The following CNGA4 variants were observed in gnomAD, a reference collection of about 807,000 sequenced individuals.
CNGA4 encodes the protein cyclic nucleotide gated channel subunit alpha 4, also known as cyclic nucleotide-gated channel alpha-4.
Under a neutral mutation model 45.6 loss-of-function variants are expected in CNGA4, and 32 were observed. The ratio of observed to expected loss-of-function variants is 0.70; its 90% CI spans 0.53 to 0.94. The LOEUF (loss-of-function observed/expected upper bound fraction) is 0.94. Among genes scored for constraint, CNGA4 ranks in the 40% least tolerant of loss-of-function variants. The probability of loss-of-function intolerance (pLI) is 0.00; values close to 1 mark genes in which losing one functional copy is unlikely to be tolerated. For synonymous variants in CNGA4, 293 were observed against 304.6 expected (o/e 0.96, Z 0.40); for missense variants, 726 against 755.1 (o/e 0.96, Z 0.45).
intron 4 of CNGA4, among the ~76,000 whole-genome samples, chr11:6,241,139 T>G (rs1847912498): frequency 6.6e-6 from 1 of 151,800 alleles, no homozygotes; most frequent in Non-Finnish European, 1.5e-5. Context: ...GAGCAGAGGG[T>G]CCCCAGAGAG....
At position 6,244,188 on chromosome 11, in the gene CNGA4, C is replaced by T; in HGVS notation, c.1507C>T (p.Gln503Ter). The change falls in exon 6 of 6, where the codon CAG becomes TAG. Residue 503 changes from glutamine to a stop codon, truncating the protein, a stop_gained. Transcript: ENST00000379936. LOFTEE classifies it high-confidence loss of function. This position sits in a 1 kb window ranked among gnomAD's most constrained non-coding sequence, Gnocchi z 4.5. ...GTCCCGGCTACGAGGCCTAGACCAGCAGCTGGATGATCTACAGACCAAGTT... is the reference window on the plus strand; with the variant it reads ...GTCCCGGCTACGAGGCCTAGACCAGTAGCTGGATGATCTACAGACCAAGTT... The part of the protein sequence containing the change: ...TESRLRGLDQ[Q>*]LDDLQTKFAR... 1 of 1,614,236 alleles carries T rather than the reference C, an allele frequency of 6.2e-7. No homozygotes were observed. The highest frequency in any genetic ancestry group is 8.5e-7 in the Non-Finnish European group (1 of 1,180,046).
In CNGA4 at chr11:6,240,351, T is replaced by C. The variant is rs1159426118; in HGVS notation, c.557T>C (p.Leu186Pro). 1 of 1,614,230 alleles carries C rather than the reference T, an allele frequency of 6.2e-7. No individual in the cohort carries two copies. The highest frequency in any genetic ancestry group is 8.5e-7 in the Non-Finnish European group (1 of 1,180,046). ...GTCGTCATCCATTGGAACAGCTGCC[T>C]ATACTTTGCCCTATCCCGGTACCTG... ...IFVVIHWNSC[L>P]YFALSRYLGF... The change falls in exon 4 of 6, where the codon CTA (leucine) becomes CCA (proline). Residue 186 changes from leucine to proline, a missense_variant. Physicochemically the swap from Leu to Pro is moderately conservative, Grantham distance 98. Transcript: ENST00000379936. This position sits in a 1 kb window ranked among gnomAD's most constrained non-coding sequence, Gnocchi z 4.9.
intron 5 of CNGA4, among the ~76,000 whole-genome samples, chr11:6,242,649 G>C (rs1463687680): frequency 3.3e-5 from 5 of 152,162 alleles, no homozygotes; most frequent in African/African-American, 1.2e-4. Flanking sequence ...CTTTGGACAA[G>C]TCATTTCCCT....
upstream of CNGA4, among the ~76,000 whole-genome samples, chr11:6,236,519 G>T (rs1847841379): frequency 6.6e-6 from 1 of 152,066 alleles, no homozygotes; most frequent in Admixed American, 6.5e-5. Context: ...ATAAGAGGAA[G>T]AATTAAAAAC....
rs1213461151 is a variant in CNGA4, at chr11:6,239,795, G to A, written c.271+5G>A. The A allele has an allele frequency of 6.2e-7, 1 of 1,611,336 alleles. No individual in the cohort carries two copies. Among genetic ancestry groups the A allele is most frequent in the South Asian group, 1.1e-5 (1 of 90,732 alleles). The stretch of plus-strand genomic sequence containing the variant: ...TGGTGGTGCGCTTCCACACAGGTCA[G>A]TGGGCTTCTAGGAATGACCCTTTGT... On this transcript the variant is annotated splice_donor_5th_base_variant and intron_variant, in intron 3 of 5. Coordinates refer to ENST00000379936, the MANE Select transcript of CNGA4 (RefSeq NM_001037329.4).
In CNGA4 at chr11:6,244,130, G is replaced by C. The variant is rs1847956429; in HGVS notation, c.1449G>C (p.Glu483Asp). ...LKMNKLDVNA[E>D]AAEIALQEAT... ...TGAACAAGTTGGACGTGAATGCTGA[G>C]GCAGCTGAGATCGCCCTGCAGGAGG... The change falls in exon 6 of 6, where the codon GAG (glutamate) becomes GAC (aspartate). Residue 483 changes from glutamate to aspartate, a missense_variant. Transcript: ENST00000379936. The surrounding 1 kb of genome is among the most constrained non-coding windows in gnomAD (Gnocchi z 4.5). 6.2e-7 allele frequency: 1 copy of C among 1,614,082 alleles called. No homozygotes were observed. The highest frequency in any genetic ancestry group is 8.5e-7 in the Non-Finnish European group (1 of 1,180,036).
chr11:6,239,326 C>CA, intron 1 of CNGA4, 58 bp downstream of exon 1: 1 of 1,612,534 alleles, frequency 6.2e-7, no homozygotes, highest in South Asian at 1.1e-5. Flanking sequence ...GTGCCCCAGT[C>CA]ACAACTACAG....
At chr11:6,239,087 AC>A, upstream of CNGA4, 1 of 1,570,744 alleles carries the variant, frequency 6.4e-7, no homozygotes, top group Non-Finnish European at 8.6e-7. Flanking sequence ...CAAAGAAGTC[AC>A]AGCAGAAGCC....
chr11:6,239,646 G>T, intron 2 of CNGA4, 38 bp from the exon 3 acceptor site: 1 of 1,603,632 alleles, frequency 6.2e-7, no homozygotes, highest in Non-Finnish European at 8.5e-7. Context: ...CACACAGAGG[G>T]TGCCCTTAAT....
In CNGA4 at chr11:6,244,247, A is replaced by G. The variant is rs765697976; in HGVS notation, c.1566A>G (p.Ala522=). The stretch of plus-strand genomic sequence containing the variant: ...TCCTGGCTGAGCTGGAGTCCAGCGC[A>G]CTTAAGATTGCTTACCGCATTGAAC... ...ARLLAELESS[A]LKIAYRIERL... is the part of the protein sequence containing the mutation. The change falls in exon 6 of 6, where the codon GCA becomes GCG. Residue 522 remains alanine, a synonymous_variant. Transcript: ENST00000379936. This position sits in a 1 kb window ranked among gnomAD's most constrained non-coding sequence, Gnocchi z 4.5. 1 of 1,614,182 alleles carries G rather than the reference A, an allele frequency of 6.2e-7. No individual in the cohort carries two copies. Among genetic ancestry groups the G allele is most frequent in the South Asian group, 1.1e-5 (1 of 91,086 alleles).
Position 6,244,333 on chromosome 11 carries a change from A to T in CNGA4, c.1652A>T (p.Glu551Val). 6.2e-7 allele frequency: 1 copy of T among 1,614,106 alleles called. No individual in the cohort carries two copies. The highest frequency in any genetic ancestry group is 8.5e-7 in the Non-Finnish European group (1 of 1,180,024). ...GAGGACCTGGCTGAGGCTGATGACG[A>T]GGGTGAGCCTGAGGAGGGAACTTCC... ...MPEDLAEADD[E>V]GEPEEGTSKD... is the part of the protein sequence containing the mutation. Residue 551 changes from glutamate (E) to valine (V), a missense_variant, in exon 6 of 6, where the codon GAG becomes GTG. Glu to Val is a moderately radical substitution (Grantham distance 121). Transcript: ENST00000379936. This position sits in a 1 kb window ranked among gnomAD's most constrained non-coding sequence, Gnocchi z 4.5.
chr11:6,239,270 T>C lies in CNGA4; in HGVS notation c.62+2T>C. 1 of 1,614,050 alleles carries C rather than the reference T, an allele frequency of 6.2e-7. No homozygotes were observed. The highest frequency in any genetic ancestry group is 8.5e-7 in the Non-Finnish European group (1 of 1,179,918). On this transcript the variant is annotated splice_donor_variant, in intron 1 of 5. Coordinates refer to ENST00000379936, the MANE Select transcript of CNGA4 (RefSeq NM_001037329.4). LOFTEE classifies it high-confidence loss of function. ...TCCCCCAGCCCCATCCAAGGCCAGG[T>C]GAGAAGTCCTGGTCCCTTGTGTGGG... is the stretch of plus-strand genomic sequence containing the variant.
Position 6,240,264 on chromosome 11 carries a change from C to T in CNGA4, c.470C>T (p.Thr157Ile). 6.2e-7 allele frequency: 1 copy of T among 1,614,248 alleles called. No homozygotes were observed. The highest frequency in any genetic ancestry group is 8.5e-7 in the Non-Finnish European group (1 of 1,180,034). The change falls in exon 4 of 6, where the codon ACA (threonine) becomes ATA (isoleucine). Residue 157 changes from threonine to isoleucine, a missense_variant. Physicochemically the swap from Thr to Ile is moderately conservative, Grantham distance 89. Transcript: ENST00000379936. This position sits in a 1 kb window ranked among gnomAD's most constrained non-coding sequence, Gnocchi z 4.9. ...APRLFEAFDR[T>I]ETRTAYPNAF... ...CGCCTCTTCGAGGCCTTCGACCGCACAGAGACCCGCACAGCTTACCCAAAT... is the reference window on the plus strand; with the variant it reads ...CGCCTCTTCGAGGCCTTCGACCGCATAGAGACCCGCACAGCTTACCCAAAT...
At position 6,241,304 on chromosome 11, in the gene CNGA4, T is replaced by C. The variant is rs142241702; in HGVS notation, c.918-127T>C. The C allele has an allele frequency of 5.6e-4, 413 of 733,774 alleles. 3 individuals carry two copies. The African/African-American group carries it at 7.0e-3, about 12-fold the overall frequency. The allele number at this position is 733,774 out of a possible 1,614,324, so 45.5% of individuals were successfully genotyped here. On this transcript the variant is annotated intron_variant, in intron 4 of 5. Transcript: ENST00000379936. ...AACAGGTAATCCAACTGTCAGGTAC[T>C]CCCATGACCCCTGTTAGATCTCAGT... is the stretch of plus-strand genomic sequence containing the variant.
rs1847907046 is a variant in CNGA4 at position 6,240,777 on chromosome 11, C to T, written c.917+66C>T. On this transcript the variant is annotated intron_variant, in intron 4 of 5. Coordinates refer to ENST00000379936, the MANE Select transcript of CNGA4 (RefSeq NM_001037329.4). The surrounding 1 kb of genome is among the most constrained non-coding windows in gnomAD (Gnocchi z 4.9). ...AGGTGATGGAACCTGAGGGAGGTAA[C>T]TGGGTCCTTAGTGCCTGGTGAGCCA... is the stretch of plus-strand genomic sequence containing the variant. 6.4e-7 allele frequency: 1 copy of T among 1,554,282 alleles called. No individual in the cohort carries two copies. Among genetic ancestry groups the T allele is most frequent in the Middle Eastern group, 2.3e-4 (1 of 4,366 alleles).
At chr11:6,242,884 C>A (rs925338484) in intron 5 of CNGA4, among the ~76,000 whole-genome samples, 1 of 152,198 alleles carries the variant, frequency 6.6e-6, no homozygotes, top group Non-Finnish European at 1.5e-5. Context: ...TCTCCACCAA[C>A]ATCTTTCTAA....
At chr11:6,238,232 CCTGA>C, upstream of CNGA4, among the ~76,000 whole-genome samples, 1 of 152,210 alleles carries the variant, frequency 6.6e-6, no homozygotes, top group East Asian at 1.9e-4. Context: ...TACCTGCTGG[CCTGA>C]CTATTTCACC....
rs753216603 is a variant in CNGA4, at chr11:6,239,720, G to T, written c.201G>T (p.Val67=). ...CFPDLQHGYL[V]AWLVLDYTSD... Reference sequence around the variant, plus strand: ...CCGACTTGCAGCACGGTTATCTGGTGGCCTGGTTGGTGCTGGACTACACGA... The same window carrying T: ...CCGACTTGCAGCACGGTTATCTGGTTGCCTGGTTGGTGCTGGACTACACGA... The change falls in exon 3 of 6, where the codon GTG becomes GTT. Residue 67 remains valine, a synonymous_variant. Transcript: ENST00000379936. The T allele has an allele frequency of 4.3e-6, 7 of 1,614,130 alleles. No individual in the cohort carries two copies. Among genetic ancestry groups the T allele is most frequent in the African/African-American group, 1.3e-5 (1 of 75,028 alleles).
Position 6,244,037 on chromosome 11 carries a change from G to A in CNGA4, c.1356G>A (p.Glu452=). Reference sequence around the variant, plus strand: ...GCCTGAGCAAGGAGGACCTGCGGGAGGTGCTGAGCGAGTATCCACAAGCAC... The same window carrying A: ...GCCTGAGCAAGGAGGACCTGCGGGAAGTGCTGAGCGAGTATCCACAAGCAC... ...LFCLSKEDLR[E]VLSEYPQAQT... The change falls in exon 6 of 6, where the codon GAG becomes GAA. Residue 452 remains glutamate, a synonymous_variant. Transcript: ENST00000379936. This position sits in a 1 kb window ranked among gnomAD's most constrained non-coding sequence, Gnocchi z 4.5. 2 of 1,614,236 alleles carry A rather than the reference G, an allele frequency of 1.2e-6. No individual in the cohort carries two copies. The highest frequency in any genetic ancestry group is 2.2e-5 in the South Asian group (2 of 91,084).
Sources: allele counts gnomAD v4.1 joint callset (sites outside exome capture counted in the v4.1 genomes callset), GRCh38; gene constraint gnomAD v4.1.1; non-coding constraint Gnocchi (gnomAD v3.1); transcripts MANE v1.5; gene names NCBI Gene and HGNC (gene_info 2026-07-23, HGNC 2026-07-21).